The following SEZ6L variants were observed in gnomAD, a reference collection of about 807,000 sequenced individuals.
SEZ6L encodes the protein seizure related 6 homolog like, also known as seizure 6-like protein.
In SEZ6L, 37 loss-of-function variants were observed where a neutral mutation model predicts 106.2. That is an observed-to-expected ratio of 0.35 (90% CI 0.27 to 0.46). SEZ6L has a LOEUF of 0.46. SEZ6L is among the 20% of genes least tolerant of loss of function. SEZ6L has a pLI of 1.00. For missense variants in SEZ6L, 1,172 were observed against 1,332.8 expected (o/e 0.88, Z 1.88); for synonymous variants, 541 against 570.4 (o/e 0.95, Z 0.73).
At position 26,292,551 on chromosome 22, in the gene SEZ6L, G is replaced by A. The variant is rs752750261; in HGVS notation, c.240G>A (p.Leu80=). The change falls in exon 2 of 17, where the codon CTG becomes CTA. Residue 80 remains leucine (L), a synonymous_variant. Coordinates refer to ENST00000248933, the MANE Select transcript of SEZ6L (RefSeq NM_021115.5). ...GTTCCTCACAGTCGGCGGAAGTGCT[G>A]GGCGAGCTGGTGCTGGATGGGACCG... ...PPSSSQSAEV[L]GELVLDGTAP... is the part of the protein sequence containing the mutation. The A allele has an allele frequency of 1.9e-6, 3 of 1,613,660 alleles. No homozygotes were observed. Among genetic ancestry groups the A allele is most frequent in the African/African-American group, 2.7e-5 (2 of 74,906 alleles).
chr22:26,347,451 G>C (rs944154943), intron 10 of SEZ6L, among the ~76,000 whole-genome samples: 2 of 152,068 alleles, frequency 1.3e-5, no homozygotes, highest in African/African-American at 4.8e-5. Context: ...CCGTTAATAA[G>C]TGGCAGAGAT....
intron 1 of SEZ6L, among the ~76,000 whole-genome samples, chr22:26,191,587 G>T (rs1940218796): frequency 6.6e-6 from 1 of 151,628 alleles, no homozygotes; most frequent in Non-Finnish European, 1.5e-5. Context: ...GCCTGTTGGA[G>T]GGTTGGGGGG....
At chr22:26,296,585 C>G (rs536623583) in intron 3 of SEZ6L, among the ~76,000 whole-genome samples, 9 of 152,226 alleles carry the variant, frequency 5.9e-5, no homozygotes, top group Non-Finnish European at 1.2e-4. Context: ...CACCCACTAG[C>G]ATCCAGGGCC....
At chr22:26,378,945 T>C (rs924864048) in intron 16 of SEZ6L, among the ~76,000 whole-genome samples, 1 of 152,176 alleles carries the variant, frequency 6.6e-6, no homozygotes, top group East Asian at 1.9e-4. Flanking sequence ...ATTAACAACA[T>C]ACATTTATTA....
chr22:26,305,947 T>TG, intron 5 of SEZ6L, 32 bp from the exon 6 acceptor site: 1 of 1,519,164 alleles, frequency 6.6e-7, no homozygotes, highest in Non-Finnish European at 9.1e-7. Flanking sequence ...CTCTGCTCTC[T>TG]CCCATTGCCC....
At chr22:26,304,781 TAGTG>T (rs1192093298) in intron 5 of SEZ6L, among the ~76,000 whole-genome samples, 23 of 152,284 alleles carry the variant, frequency 1.5e-4, no homozygotes, top group Admixed American at 1.4e-3. Context: ...ACTTAAAAAA[TAGTG>T]AGCATCTTCC....
At chr22:26,358,261 G>C (rs2083502995) in intron 12 of SEZ6L, among the ~76,000 whole-genome samples, 1 of 152,174 alleles carries the variant, frequency 6.6e-6, no homozygotes, top group South Asian at 2.1e-4. Flanking sequence ...CCATTAAATG[G>C]ACAGCACTAA....
rs905334926 is a variant in SEZ6L at position 26,313,861 on chromosome 22, C to A, written c.1974C>A (p.Ile658=). 5 of 1,610,968 alleles carry A rather than the reference C, an allele frequency of 3.1e-6. No homozygotes were observed. The highest frequency in any genetic ancestry group is 3.4e-6 in the Non-Finnish European group (4 of 1,177,450). Residue 658 remains isoleucine (I), a synonymous_variant, in exon 9 of 17, where the codon ATC becomes ATA. Transcript: ENST00000248933. Reference sequence around the variant, plus strand: ...AAGGTGAAGATTGTATCTGGAAGATCCACGTGGGAGAAGAGAAACGGATCT... The same window carrying A: ...AAGGTGAAGATTGTATCTGGAAGATACACGTGGGAGAAGAGAAACGGATCT... ...YVEGEDCIWK[I]HVGEEKRIFL...
rs905866117 is a variant in SEZ6L, at chr22:26,358,556, A to G, written c.2600-6816A>G. ...AGCTTTTTGTTCAAATGTGCTCCAG[A>G]AATGTACATTTTCTTCTATTGTTAA... On this transcript the variant is annotated intron_variant, in intron 12 of 16. Coordinates refer to ENST00000248933, the MANE Select transcript of SEZ6L (RefSeq NM_021115.5). Among the ~76,000 whole-genome samples, 8 of 152,302 alleles carry G rather than the reference A, an allele frequency of 5.3e-5. No homozygotes were observed. The South Asian group carries it at 1.7e-3, about 32-fold the overall frequency.
intron 1 of SEZ6L, among the ~76,000 whole-genome samples, chr22:26,233,649 T>G (rs919272204): frequency 7.9e-5 from 12 of 152,204 alleles, no homozygotes; most frequent in African/African-American, 2.9e-4. Context: ...ATTCCCTCAT[T>G]CTACATGTAT....
intron 1 of SEZ6L, among the ~76,000 whole-genome samples, chr22:26,203,840 T>G (rs1941131581): frequency 6.6e-6 from 1 of 152,162 alleles, no homozygotes; most frequent in Non-Finnish European, 1.5e-5. Flanking sequence ...AGGGTTATTT[T>G]GAACAATGTA....
chr22:26,276,587 A>G (rs957205019), intron 1 of SEZ6L, among the ~76,000 whole-genome samples: 1 of 152,234 alleles, frequency 6.6e-6, no homozygotes, highest in African/African-American at 2.4e-5. Context: ...AGGTAATTGA[A>G]TGCAGATCGA....
intron 1 of SEZ6L, among the ~76,000 whole-genome samples, chr22:26,266,517 G>A (rs1247760356): frequency 6.6e-6 from 1 of 151,610 alleles, no homozygotes; most frequent in African/African-American, 2.4e-5. Context: ...AGCTTGCAAT[G>A]AGCCGAGATC....
intron 1 of SEZ6L, among the ~76,000 whole-genome samples, chr22:26,265,595 C>T (rs1427843836): frequency 1.3e-4 from 20 of 152,320 alleles, no homozygotes. Flanking sequence ...GAGCTGCAAA[C>T]CGCCTGTTAG....
rs561397756 is a variant in SEZ6L, at chr22:26,201,418, G to A, written c.94+31655G>A. Among the ~76,000 whole-genome samples the A allele has an allele frequency of 1.5e-4, 22 of 147,616 alleles. No individual in the cohort carries two copies. In the South Asian group the frequency reaches 3.7e-3, roughly 25 times the overall value. Reference sequence around the variant, plus strand: ...AAAAAAAAAAAAGAGGAAATTTGCCGGGTATGGTGGCTTGTGCCTGTAATC... The same window carrying A: ...AAAAAAAAAAAAGAGGAAATTTGCCAGGTATGGTGGCTTGTGCCTGTAATC... On this transcript the variant is annotated intron_variant, in intron 1 of 16. Coordinates refer to ENST00000248933, the MANE Select transcript of SEZ6L (RefSeq NM_021115.5).
At chr22:26,348,648 A>AAAGAAAGAAAAAGAAAGAAAGAAAG (rs1569473651) in intron 11 of SEZ6L, among the ~76,000 whole-genome samples, 12 of 18,594 alleles carry the variant, frequency 6.5e-4, no homozygotes, top group African/African-American at 2.9e-3. Flanking sequence ...AAGAAAGAAA[A>AAAGAAAGAAAAAGAAAGAAAGAAAG]AGAAAGAAAG....
chr22:26,323,640 T>C (rs2082218137), intron 9 of SEZ6L, among the ~76,000 whole-genome samples: 1 of 152,096 alleles, frequency 6.6e-6, no homozygotes. Flanking sequence ...TGTAAATTAA[T>C]TAAATAATGT....
intron 1 of SEZ6L, among the ~76,000 whole-genome samples, chr22:26,220,944 A>G (rs2078450824): frequency 1.3e-5 from 2 of 149,520 alleles, no homozygotes; most frequent in Admixed American, 6.8e-5. Flanking sequence ...TGGATGGATG[A>G]TGAGTGGTTG....
chr22:26,285,731 TA>T (rs2080915027), intron 1 of SEZ6L, among the ~76,000 whole-genome samples: 1 of 152,206 alleles, frequency 6.6e-6, no homozygotes, highest in Non-Finnish European at 1.5e-5. Context: ...GTCAAAGGCA[TA>T]AAAGTAACTG....
Sources: allele counts gnomAD v4.1 joint callset (sites outside exome capture counted in the v4.1 genomes callset), GRCh38; gene constraint gnomAD v4.1.1; transcripts MANE v1.5; gene names NCBI Gene and HGNC (gene_info 2026-07-23, HGNC 2026-07-21).